Variants in GRID1 observed in about 807,000 individuals in gnomAD.
GRID1 encodes the protein glutamate ionotropic receptor delta type subunit 1.
A neutral mutation model predicts 98.0 loss-of-function variants in GRID1; 28 were observed. That is an observed-to-expected ratio of 0.29 (90% CI 0.21 to 0.39). The LOEUF is 0.39. GRID1 is among the 10% of genes least tolerant of loss of function. The pLI is 1.00. For missense variants in GRID1, 1,111 were observed against 1,340.5 expected, an observed-to-expected ratio of 0.83 and a Z score of 2.67; for synonymous variants, 553 against 538.5, an observed-to-expected ratio of 1.03 and a Z score of -0.37.
At chr10:86,229,682 A>G (rs1245519041) in intron 2 of GRID1, among the ~76,000 whole-genome samples, 1 of 152,006 alleles carries the variant, frequency 6.6e-6, no homozygotes, top group Non-Finnish European at 1.5e-5. Context: ...CTGGAGTTCA[A>G]CTCATCTGGC....
intron 3 of GRID1, among the ~76,000 whole-genome samples, chr10:86,170,880 T>A (rs568549241): frequency 2.6e-5 from 4 of 152,148 alleles, no homozygotes; most frequent in African/African-American, 9.7e-5. Flanking sequence ...TAAAATAGCA[T>A]GTTTACTCAC....
chr10:85,945,775 T>C (rs1842046834), intron 4 of GRID1, among the ~76,000 whole-genome samples: 1 of 152,236 alleles, frequency 6.6e-6, no homozygotes. Flanking sequence ...AAGTTTTTTA[T>C]ATACGGATTA....
chr10:85,871,522 T>C (rs542133726), intron 5 of GRID1, among the ~76,000 whole-genome samples: 15 of 152,300 alleles, frequency 9.8e-5, no homozygotes, highest in South Asian at 4.1e-4. Flanking sequence ...AGCGGTAAAT[T>C]ACAAGACAAA....
chr10:85,614,291 C>T (rs926690884), intron 14 of GRID1, among the ~76,000 whole-genome samples: 13 of 152,208 alleles, frequency 8.5e-5, no homozygotes, highest in African/African-American at 3.1e-4. Context: ...ATGGTGAGTG[C>T]TGTCCACTGG....
At chr10:86,094,357 C>T (rs1397615716) in intron 4 of GRID1, among the ~76,000 whole-genome samples, 1 of 152,134 alleles carries the variant, frequency 6.6e-6, no homozygotes, top group Non-Finnish European at 1.5e-5. Flanking sequence ...AGCAATCAGA[C>T]AAGAGAAAGA....
At chr10:85,878,401 A>G (rs1479264791) in intron 5 of GRID1, among the ~76,000 whole-genome samples, 5 of 152,270 alleles carry the variant, frequency 3.3e-5, no homozygotes, top group South Asian at 4.1e-4. Flanking sequence ...AGGGAAGCCC[A>G]TCAGACTAAC....
At chr10:85,796,775 T>C (rs1034731583) in intron 8 of GRID1, among the ~76,000 whole-genome samples, 3 of 152,232 alleles carry the variant, frequency 2.0e-5, no homozygotes, top group Non-Finnish European at 4.4e-5. Context: ...AAGCATTAGT[T>C]TCAATAAGAC....
intron 4 of GRID1, among the ~76,000 whole-genome samples, chr10:86,125,716 G>A (rs1336025556): frequency 6.6e-6 from 1 of 151,938 alleles, no homozygotes; most frequent in Non-Finnish European, 1.5e-5. Flanking sequence ...CCACCCATGA[G>A]ACAGCAAGAC....
chr10:86,061,086 T>C (rs1843642046), intron 4 of GRID1, among the ~76,000 whole-genome samples: 2 of 152,156 alleles, frequency 1.3e-5, no homozygotes, highest in Non-Finnish European at 2.9e-5. Context: ...GCCTCCACTA[T>C]CCTTCTCCCA....
intron 5 of GRID1, among the ~76,000 whole-genome samples, chr10:85,888,591 C>T (rs1245321970): frequency 6.6e-6 from 1 of 152,194 alleles, no homozygotes; most frequent in East Asian, 1.9e-4. Flanking sequence ...TAGGGACCTA[C>T]ACTGAGGACA....
At chr10:86,336,452 C>A (rs1463434879) in intron 2 of GRID1, among the ~76,000 whole-genome samples, 1 of 152,114 alleles carries the variant, frequency 6.6e-6, no homozygotes, top group Non-Finnish European at 1.5e-5. Context: ...CCCTGAGCTC[C>A]GGGTCTCCTC....
At chr10:85,634,508 G>A (rs1350183800) in intron 13 of GRID1, among the ~76,000 whole-genome samples, 1 of 151,964 alleles carries the variant, frequency 6.6e-6, no homozygotes, top group Non-Finnish European at 1.5e-5. Context: ...ATAACAAAAA[G>A]ACACAAAAAT....
At chr10:85,865,231 G>C (rs1029171628) in intron 6 of GRID1, among the ~76,000 whole-genome samples, 2 of 152,168 alleles carry the variant, frequency 1.3e-5, no homozygotes, top group African/African-American at 4.8e-5. Flanking sequence ...GCTGCATGCT[G>C]GCAAATGCAA....
intron 2 of GRID1, among the ~76,000 whole-genome samples, chr10:86,265,923 T>C (rs983700804): frequency 6.6e-6 from 1 of 152,048 alleles, no homozygotes; most frequent in Non-Finnish European, 1.5e-5. Flanking sequence ...TCCTGACTCA[T>C]CCACTGCCCT....
intron 10 of GRID1, among the ~76,000 whole-genome samples, chr10:85,725,966 AAG>A (rs1280890670): frequency 1.3e-5 from 2 of 152,226 alleles, no homozygotes; most frequent in African/African-American, 2.4e-5. Context: ...AGGGCTTAAA[AAG>A]AGATTTAATG....
At chr10:85,607,847 T>TCCC (rs544767714) in intron 15 of GRID1, among the ~76,000 whole-genome samples, 1 of 148,846 alleles carries the variant, frequency 6.7e-6, no homozygotes, top group Non-Finnish European at 1.5e-5. Flanking sequence ...AGACAGGGTC[T>TCCC]CCCTCTGTCA....
At chr10:86,364,585 T>C (rs1188238341) in intron 1 of GRID1, among the ~76,000 whole-genome samples, 1 of 152,220 alleles carries the variant, frequency 6.6e-6, no homozygotes, top group Non-Finnish European at 1.5e-5. Flanking sequence ...TGAGTGGAGC[T>C]GAGCGAAGCA....
At chr10:86,211,270 C>T (rs899508861) in intron 2 of GRID1, among the ~76,000 whole-genome samples, 1 of 152,216 alleles carries the variant, frequency 6.6e-6, no homozygotes, top group Non-Finnish European at 1.5e-5. Flanking sequence ...TAATTCTTTG[C>T]CTCCATATTA....
At chr10:86,116,053 G>A (rs1246077906) in intron 4 of GRID1, among the ~76,000 whole-genome samples, 1 of 152,166 alleles carries the variant, frequency 6.6e-6, no homozygotes, top group East Asian at 1.9e-4. Flanking sequence ...TGTGTTGTAG[G>A]CTGTACTGTC....
Sources: gnomAD v4.1 joint callset for allele counts (sites outside exome capture counted in the v4.1 genomes callset) on GRCh38, gnomAD v4.1.1 for gene constraint, MANE v1.5 for transcripts, NCBI Gene and HGNC (gene_info 2026-07-23, HGNC 2026-07-21) for gene names.